The following HK1 variants were observed in gnomAD, a reference collection of about 807,000 sequenced individuals.
HK1 encodes the protein hexokinase-1.
In HK1, 28 loss-of-function variants were observed where a neutral mutation model predicts 91.6. That is an observed-to-expected ratio of 0.31 (90% confidence interval 0.23 to 0.42). HK1 has a LOEUF of 0.42. Ranked by LOEUF, HK1 falls within the 10% of genes least tolerant of loss-of-function variation. The pLI is 1.00. For synonymous variants in HK1, 430 were observed against 468.1 expected (o/e 0.92, Z 1.05); for missense variants, 770 against 1,219.8 (o/e 0.63, Z 5.49).
At chr10:69,306,498 C>T (rs1846113588) in intron 5 of HK1, among the ~76,000 whole-genome samples, 1 of 152,120 alleles carries the variant, frequency 6.6e-6, no homozygotes, top group Admixed American at 6.6e-5. Flanking sequence ...TCTTTTGAGA[C>T]TTTGATTAGC....
At chr10:69,313,820 AT>A (rs942208172), upstream of HK1, among the ~76,000 whole-genome samples, 10 of 151,428 alleles carry the variant, frequency 6.6e-5, no homozygotes, top group Admixed American at 2.0e-4. Context: ...AAATTTCTTA[AT>A]TTTTTTTTAA....
chr10:69,293,776 C>T (rs181944727), intron 3 of HK1, among the ~76,000 whole-genome samples: 38 of 151,772 alleles, frequency 2.5e-4, no homozygotes, highest in African/African-American at 8.7e-4. Flanking sequence ...ATAACTGGGG[C>T]TCATTCACAT....
chr10:69,301,533 C>A (rs1404425747), intron 5 of HK1, among the ~76,000 whole-genome samples: 1 of 132,990 alleles, frequency 7.5e-6, no homozygotes. Context: ...GAGATCACAC[C>A]AGTGTACTCT....
intron 9 of HK1, among the ~76,000 whole-genome samples, chr10:69,382,276 A>G (rs1440712984): frequency 6.6e-6 from 1 of 152,164 alleles, no homozygotes; most frequent in Non-Finnish European, 1.5e-5. Context: ...TCGGGAGGCT[A>G]AGGTGGGAGG....
At chr10:69,394,474 C>T (rs902210823) in intron 15 of HK1, among the ~76,000 whole-genome samples, 1 of 152,216 alleles carries the variant, frequency 6.6e-6, no homozygotes, top group African/African-American at 2.4e-5. Context: ...CTATGCTATG[C>T]TGTGCTGTGC....
chr10:69,295,806 T>C (rs1487706206), intron 4 of HK1: 1 of 721,204 alleles, frequency 1.4e-6, no homozygotes, highest in Non-Finnish European at 2.5e-6. Context: ...TTCTCCAGGG[T>C]GTGGAGCAGT....
intron 1 of HK1, among the ~76,000 whole-genome samples, chr10:69,335,557 GAGCTTGCTGTCCACCCC>G (rs1324061200): frequency 6.6e-6 from 1 of 152,226 alleles, no homozygotes; most frequent in African/African-American, 2.4e-5. Context: ...AGGAATCAGG[GAGCTTGCTGTCCACCCC>G]AGTCTCTGCA....
chr10:69,307,798 C>T (rs943441297), intron 5 of HK1, among the ~76,000 whole-genome samples: 1 of 152,106 alleles, frequency 6.6e-6, no homozygotes, highest in African/African-American at 2.4e-5. Flanking sequence ...ATTTAGCTTA[C>T]AAAGCAACCA....
intron 1 of HK1, among the ~76,000 whole-genome samples, chr10:69,323,823 T>G (rs1006691930): frequency 6.6e-6 from 1 of 152,216 alleles, no homozygotes; most frequent in Non-Finnish European, 1.5e-5. Context: ...GGAGAAGACA[T>G]AGGCAGCTTT....
At chr10:69,368,749 G>A in intron 5 of HK1, 118 bp downstream of exon 5, 1 of 784,578 alleles carries the variant, frequency 1.3e-6, no homozygotes, top group South Asian at 1.4e-5. Context: ...GAAGACCCAG[G>A]CAGGGGAGAG....
chr10:69,298,331 A>T (rs1322673384), intron 4 of HK1, among the ~76,000 whole-genome samples: 1 of 151,910 alleles, frequency 6.6e-6, no homozygotes, highest in Non-Finnish European at 1.5e-5. Context: ...ATTTCTGCAT[A>T]AAAAATGTGG....
chr10:69,307,345 C>T (rs1487848954), intron 5 of HK1, among the ~76,000 whole-genome samples: 1 of 152,080 alleles, frequency 6.6e-6, no homozygotes, highest in East Asian at 1.9e-4. Context: ...TGCAGATCTG[C>T]CTCTCTGTTT....
chr10:69,273,000 C>T (rs1026413562), intron 1 of HK1, among the ~76,000 whole-genome samples: 11 of 149,170 alleles, frequency 7.4e-5, no homozygotes, highest in Admixed American at 1.3e-4. Flanking sequence ...TCTGTGCTTC[C>T]GTTTGCATAA....
At chr10:69,301,458 C>A (rs1366916990) in intron 5 of HK1, among the ~76,000 whole-genome samples, 2 of 149,742 alleles carry the variant, frequency 1.3e-5, no homozygotes, top group African/African-American at 4.9e-5. Flanking sequence ...CCTGTAATCC[C>A]AGCTACTCGG....
chr10:69,390,870 C>G (rs2132932766), intron 14 of HK1, among the ~76,000 whole-genome samples: 1 of 152,170 alleles, frequency 6.6e-6, no homozygotes, highest in East Asian at 1.9e-4. Flanking sequence ...GTGAAGCACT[C>G]TTCCTGGGTT....
At chr10:69,305,033 A>G (rs75609120) in intron 5 of HK1, among the ~76,000 whole-genome samples, 3,317 of 152,094 alleles carry the variant, frequency 0.022, 112 homozygotes, top group African/African-American at 0.076. Context: ...CATCACTCCC[A>G]TCCCTGCCTG....
intron 2 of HK1, among the ~76,000 whole-genome samples, chr10:69,353,756 C>T (rs1848999340): frequency 1.3e-5 from 2 of 152,166 alleles, no homozygotes; most frequent in Admixed American, 6.5e-5. Flanking sequence ...TCTCCCATGC[C>T]CCTCCCTGTG....
At chr10:69,351,959 T>C (rs77980340) in intron 2 of HK1, among the ~76,000 whole-genome samples, 20,292 of 152,032 alleles carry the variant, frequency 0.13, 1,527 homozygotes, top group South Asian at 0.27. Flanking sequence ...TGCGAGGAGC[T>C]ACTTCATACT....
At chr10:69,308,127 C>T (rs1166994151) in intron 5 of HK1, among the ~76,000 whole-genome samples, 1 of 152,166 alleles carries the variant, frequency 6.6e-6, no homozygotes, top group Non-Finnish European at 1.5e-5. Flanking sequence ...GTGTGAGCCA[C>T]CACGCCCCGC....
Sources: gnomAD v4.1 joint callset for allele counts (sites outside exome capture counted in the v4.1 genomes callset) on GRCh38, gnomAD v4.1.1 for gene constraint, MANE v1.5 for transcripts, NCBI Gene and HGNC (gene_info 2026-07-23, HGNC 2026-07-21) for gene names.